Variants in LIPI observed in about 807,000 individuals in gnomAD.
LIPI encodes the protein lipase I, also known as lipase member I.
LIPI carries 59 observed loss-of-function variants against 50.6 expected under a neutral mutation model. The ratio of observed to expected loss-of-function variants is 1.16; its 90% CI spans 0.94 to 1.45. LIPI has a LOEUF of 1.45. Among genes scored for constraint, LIPI ranks in the 40% most tolerant of loss-of-function variants. The probability of loss-of-function intolerance (pLI) is 0.00; values close to 1 mark genes in which losing one functional copy is unlikely to be tolerated. For synonymous variants in LIPI, 203 were observed against 178.2 expected (o/e 1.14, Z -1.11); for missense variants, 586 against 536.3 (o/e 1.09, Z -0.92).
chr21:14,114,771 C>G (rs2016558323), intron 9 of LIPI, among the ~76,000 whole-genome samples: 2 of 152,104 alleles, frequency 1.3e-5, no homozygotes, highest in Admixed American at 6.5e-5. Flanking sequence ...CCAAGAAAGC[C>G]AACAAACTTC....
chr21:14,135,900 C>T (rs2017480875), intron 9 of LIPI, among the ~76,000 whole-genome samples: 1 of 152,132 alleles, frequency 6.6e-6, no homozygotes, highest in African/African-American at 2.4e-5. Context: ...AAAAAAGACC[C>T]CTTCTTCCCA....
At chr21:14,196,028 T>A (rs184077459) in intron 1 of LIPI, among the ~76,000 whole-genome samples, 2 of 151,870 alleles carry the variant, frequency 1.3e-5, no homozygotes, top group East Asian at 3.9e-4. Context: ...TAGTTTCTTA[T>A]AAGGTTACAT....
chr21:14,185,385 G>A lies in LIPI; in HGVS notation c.541+576C>T, dbSNP rs149670036. ...GTCATATTTACTTCTGTATTCTTACGATAGTATGTCCTTAAAATTTAGCTG... is the reference window on the plus strand; with the variant it reads ...GTCATATTTACTTCTGTATTCTTACAATAGTATGTCCTTAAAATTTAGCTG... On this transcript the variant is annotated intron_variant, in intron 3 of 9. Transcript: ENST00000681601. 2.0e-4 allele frequency among the ~76,000 whole-genome samples: 31 copies of A among 152,220 alleles called. No individual in the cohort carries two copies. The Middle Eastern group carries it at 0.01, about 50-fold the overall frequency.
rs138303417 is a variant in LIPI, at chr21:14,165,932, A to T, written c.733+430T>A. Among the ~76,000 whole-genome samples the T allele has an allele frequency of 1.2e-4, 18 of 152,318 alleles. No individual in the cohort carries two copies. In the East Asian group the frequency reaches 3.5e-3, roughly 29 times the overall value. On this transcript the variant is annotated intron_variant, in intron 5 of 9. Transcript: ENST00000681601. ...GGCTCTGATGTGAGCCAAATTCCAC[A>T]CCTGGGGAAGTTGCTCAGCTATCTT...
chr21:14,146,124 C>T (rs1379979609), intron 8 of LIPI, among the ~76,000 whole-genome samples: 1 of 152,118 alleles, frequency 6.6e-6, no homozygotes, highest in Non-Finnish European at 1.5e-5. Flanking sequence ...CAACAGTTTG[C>T]TCATGACTAC....
Position 14,189,430 on chromosome 21 carries a change from A to G in LIPI, c.47-11T>C. On this transcript the variant is annotated splice_polypyrimidine_tract_variant and intron_variant, in intron 1 of 9. Transcript: ENST00000681601. ...ATGGTCTTTTATTATCTGAAATAAG[A>G]AAATGTCAGTCAAGCTGAGTACTGG... 3 of 1,610,694 alleles carry G rather than the reference A, an allele frequency of 1.9e-6. No homozygotes were observed. Among genetic ancestry groups the G allele is most frequent in the Non-Finnish European group, 1.7e-6 (2 of 1,177,308 alleles).
intron 1 of LIPI, among the ~76,000 whole-genome samples, chr21:14,197,210 C>CTT (rs542423220): frequency 0.015 from 2,211 of 151,766 alleles, 43 homozygotes; most frequent in African/African-American, 0.05. Context: ...TAACAGAATG[C>CTT]TTTTTTATTT....
intron 7 of LIPI, among the ~76,000 whole-genome samples, chr21:14,157,562 C>T (rs2018315804): frequency 6.6e-6 from 1 of 151,696 alleles, no homozygotes; most frequent in Non-Finnish European, 1.5e-5. Flanking sequence ...GGACTAAAAG[C>T]AACAGAGTAT....
At position 14,137,114 on chromosome 21, in the gene LIPI, A is replaced by G. The variant is rs560636548; in HGVS notation, c.1295+7509T>C. On this transcript the variant is annotated intron_variant, in intron 9 of 9. Coordinates refer to ENST00000681601, the MANE Select transcript of LIPI (RefSeq NM_001302998.2). ...CTGGAGTGCTGTCCTAAGAAGGATGACCAGAAATAAGCCCAGAAAGTGAGG... is the reference window on the plus strand; with the variant it reads ...CTGGAGTGCTGTCCTAAGAAGGATGGCCAGAAATAAGCCCAGAAAGTGAGG... Among the ~76,000 whole-genome samples the G allele has an allele frequency of 7.9e-5, 12 of 152,278 alleles. No individual in the cohort carries two copies. In the South Asian group the frequency reaches 2.3e-3, roughly 29 times the overall value.
chr21:14,197,576 T>G (rs1344209758), intron 1 of LIPI, among the ~76,000 whole-genome samples: 3 of 151,704 alleles, frequency 2.0e-5, no homozygotes, highest in Admixed American at 2.0e-4. Flanking sequence ...GAGAAAAGAA[T>G]GAAAAGGAAG....
chr21:14,116,110 G>C (rs905580454), intron 9 of LIPI, among the ~76,000 whole-genome samples: 4 of 152,104 alleles, frequency 2.6e-5, no homozygotes, highest in African/African-American at 9.7e-5. Flanking sequence ...GTGTGTATGT[G>C]TGTGAATGTG....
intron 2 of LIPI, among the ~76,000 whole-genome samples, chr21:14,187,384 G>C (rs564519981): frequency 6.6e-6 from 1 of 152,222 alleles, no homozygotes; most frequent in South Asian, 2.1e-4. Flanking sequence ...AGGCTTTCAA[G>C]GCACAAGGTT....
intron 9 of LIPI, among the ~76,000 whole-genome samples, chr21:14,133,147 T>G (rs2017359571): frequency 6.6e-6 from 1 of 152,202 alleles, no homozygotes; most frequent in Non-Finnish European, 1.5e-5. Context: ...CTATTCTTTC[T>G]AACTCATTCT....
chr21:14,191,307 G>T (rs2019665492), intron 1 of LIPI, among the ~76,000 whole-genome samples: 1 of 149,452 alleles, frequency 6.7e-6, no homozygotes, highest in African/African-American at 2.5e-5. Context: ...AACCCGGGAG[G>T]CGGAGCTTGC....
At chr21:14,140,094 TGGACAACAAATTATA>T (rs1003695100) in intron 9 of LIPI, among the ~76,000 whole-genome samples, 20 of 152,128 alleles carry the variant, frequency 1.3e-4, no homozygotes, top group Admixed American at 2.6e-4. Flanking sequence ...AGGGTCACTC[TGGACAACAAATTATA>T]GGACAACAAA....
intron 1 of LIPI, among the ~76,000 whole-genome samples, chr21:14,209,046 G>C (rs192239460): frequency 6.6e-6 from 1 of 152,140 alleles, no homozygotes; most frequent in Non-Finnish European, 1.5e-5. Flanking sequence ...ATGAGACCCT[G>C]TCCAAAGAAA....
At chr21:14,128,449 T>C (rs2017152903) in intron 9 of LIPI, among the ~76,000 whole-genome samples, 1 of 152,102 alleles carries the variant, frequency 6.6e-6, no homozygotes, top group Admixed American at 6.5e-5. Context: ...GTAGCCTGTG[T>C]ATCAACTCTG....
At chr21:14,109,404 C>T (rs553674146) in intron 9 of LIPI, among the ~76,000 whole-genome samples, 1 of 152,172 alleles carries the variant, frequency 6.6e-6, no homozygotes, top group South Asian at 2.1e-4. Context: ...GTATCCAGGC[C>T]ATTCCTTCCA....
intron 9 of LIPI, among the ~76,000 whole-genome samples, chr21:14,132,241 A>C (rs1338405384): frequency 6.6e-6 from 1 of 152,224 alleles, no homozygotes; most frequent in African/African-American, 2.4e-5. Flanking sequence ...CACTGCAAAT[A>C]GTACATCACT....
Sources: gnomAD v4.1 joint callset for allele counts (sites outside exome capture counted in the v4.1 genomes callset) on GRCh38, gnomAD v4.1.1 for gene constraint, MANE v1.5 for transcripts, NCBI Gene and HGNC (gene_info 2026-07-23, HGNC 2026-07-21) for gene names.